The following LITAF variants were observed in gnomAD, a reference collection of about 807,000 sequenced individuals.
The protein encoded by LITAF is lipopolysaccharide induced TNF factor.
LITAF carries 9 observed loss-of-function variants against 14.5 expected under a neutral mutation model. That is an observed-to-expected ratio of 0.62 (90% CI 0.37 to 1.08). The LOEUF (loss-of-function observed/expected upper bound fraction) is 1.08. Ranked by LOEUF, LITAF falls within the 50% of genes least tolerant of loss-of-function variation. The probability of loss-of-function intolerance (pLI) is 0.01; values close to 1 mark genes in which losing one functional copy is unlikely to be tolerated. For missense variants in LITAF, 206 were observed against 213.4 expected, an observed-to-expected ratio of 0.97 and a Z score of 0.22; for synonymous variants, 98 against 88.2, an observed-to-expected ratio of 1.11 and a Z score of -0.62.
At chr16:11,569,138 C>T (rs1227095740) in intron 1 of LITAF, among the ~76,000 whole-genome samples, 10 of 152,162 alleles carry the variant, frequency 6.6e-5, no homozygotes, top group African/African-American at 1.2e-4. Flanking sequence ...GAACAGGACG[C>T]GGGGGCTTCC....
At chr16:11,637,910 ATATCTATATC>A (rs1328560928), upstream of LITAF, among the ~76,000 whole-genome samples, 2 of 61,008 alleles carry the variant, frequency 3.3e-5, 1 homozygote, top group Non-Finnish European at 5.5e-5. Context: ...ATATATATAT[ATATCTATATC>A]TATATCTATA....
chr16:11,597,133 C>A (rs1049655896), intron 1 of LITAF, among the ~76,000 whole-genome samples: 1 of 152,078 alleles, frequency 6.6e-6, no homozygotes, highest in Non-Finnish European at 1.5e-5. Flanking sequence ...ATTTCAGGAG[C>A]TAGAACTGGG....
chr16:11,603,815 C>T (rs899994530), intron 3 of LITAF, among the ~76,000 whole-genome samples: 7 of 152,074 alleles, frequency 4.6e-5, no homozygotes, highest in African/African-American at 1.4e-4. Context: ...GAGGCTGAGG[C>T]GGGCGGATCA....
intron 3 of LITAF, among the ~76,000 whole-genome samples, chr16:11,609,767 G>C (rs1010935388): frequency 5.3e-5 from 8 of 151,978 alleles, no homozygotes; most frequent in African/African-American, 1.9e-4. Flanking sequence ...CCTCCTTCCT[G>C]CCCACTTCTC....
At chr16:11,623,919 A>G (rs2065067371) in intron 3 of LITAF, among the ~76,000 whole-genome samples, 1 of 152,118 alleles carries the variant, frequency 6.6e-6, no homozygotes, top group Non-Finnish European at 1.5e-5. Context: ...ATGAGCCAAG[A>G]TCGTGCCATT....
At chr16:11,563,575 G>A (rs940724780) in intron 1 of LITAF, among the ~76,000 whole-genome samples, 2 of 152,090 alleles carry the variant, frequency 1.3e-5, no homozygotes, top group Admixed American at 1.3e-4. Flanking sequence ...CGTTTACTGT[G>A]CACTTTTATG....
chr16:11,618,465 T>C (rs2065030547), intron 3 of LITAF, among the ~76,000 whole-genome samples: 2 of 152,168 alleles, frequency 1.3e-5, no homozygotes, highest in Non-Finnish European at 2.9e-5. Context: ...GCACTAACTG[T>C]GGGCAGCTTC....
At chr16:11,581,133 A>T (rs1246229799) in intron 1 of LITAF, among the ~76,000 whole-genome samples, 2 of 152,190 alleles carry the variant, frequency 1.3e-5, no homozygotes, top group Non-Finnish European at 2.9e-5. Flanking sequence ...TTTGAGTTTC[A>T]CTTTCTGTGG....
At chr16:11,609,920 C>G (rs1329855321) in intron 3 of LITAF, among the ~76,000 whole-genome samples, 1 of 152,216 alleles carries the variant, frequency 6.6e-6, no homozygotes, top group Non-Finnish European at 1.5e-5. Context: ...TGAAATCACA[C>G]CCCACCTTCT....
At chr16:11,554,438 G>A (rs976356688) in intron 2 of LITAF, among the ~76,000 whole-genome samples, 1 of 152,022 alleles carries the variant, frequency 6.6e-6, no homozygotes, top group Non-Finnish European at 1.5e-5. Flanking sequence ...ATAAAATAAT[G>A]CTAGGAAGAA....
At chr16:11,567,947 G>C (rs2064479874) in intron 1 of LITAF, among the ~76,000 whole-genome samples, 1 of 152,194 alleles carries the variant, frequency 6.6e-6, no homozygotes, top group African/African-American at 2.4e-5. Flanking sequence ...TCATGCCACT[G>C]TGCTCCAGCC....
intron 3 of LITAF, among the ~76,000 whole-genome samples, chr16:11,625,265 C>CT (rs112259926): frequency 0.35 from 48,401 of 139,184 alleles, 11,337 homozygotes; most frequent in African/African-American, 0.67. Context: ...TCCCAAAAAC[C>CT]TTTTTTTTTT....
intron 1 of LITAF, among the ~76,000 whole-genome samples, chr16:11,574,731 G>A (rs945122613): frequency 2.0e-5 from 3 of 152,008 alleles, no homozygotes; most frequent in Admixed American, 6.6e-5. Flanking sequence ...GTAAGAAGAC[G>A]TTCCCTTTAC....
At chr16:11,560,543 A>G (rs944847769) in intron 1 of LITAF, among the ~76,000 whole-genome samples, 5 of 151,598 alleles carry the variant, frequency 3.3e-5, no homozygotes, top group Admixed American at 1.3e-4. Context: ...AGATCACACC[A>G]CTGCACTCCA....
chr16:11,592,802 G>T (rs1401986083), intron 1 of LITAF, among the ~76,000 whole-genome samples: 1 of 152,068 alleles, frequency 6.6e-6, no homozygotes, highest in Non-Finnish European at 1.5e-5. Context: ...TTGGGAGGCC[G>T]AGGTTGGCAG....
chr16:11,623,322 A>G (rs1284438698), intron 3 of LITAF, among the ~76,000 whole-genome samples: 5 of 151,968 alleles, frequency 3.3e-5, no homozygotes, highest in Admixed American at 6.6e-5. Context: ...AGTCTGTGGT[A>G]AGGACTTCAG....
chr16:11,624,987 T>C (rs2065074956), intron 3 of LITAF, among the ~76,000 whole-genome samples: 1 of 152,100 alleles, frequency 6.6e-6, no homozygotes, highest in Non-Finnish European at 1.5e-5. Flanking sequence ...AGAGGTCACG[T>C]GAAGGAGACC....
At chr16:11,569,673 G>T (rs1295751147) in intron 1 of LITAF, among the ~76,000 whole-genome samples, 1 of 152,152 alleles carries the variant, frequency 6.6e-6, no homozygotes, top group Non-Finnish European at 1.5e-5. Flanking sequence ...TCAGAGTGAA[G>T]AGAAGACACA....
intron 1 of LITAF, among the ~76,000 whole-genome samples, chr16:11,569,344 G>A (rs1398456325): frequency 1.3e-5 from 2 of 152,104 alleles, no homozygotes; most frequent in Non-Finnish European, 2.9e-5. Context: ...GGGCCCAAGT[G>A]ATCCTCCCAC....
Sources: allele counts gnomAD v4.1 joint callset (sites outside exome capture counted in the v4.1 genomes callset), GRCh38; gene constraint gnomAD v4.1.1; transcripts MANE v1.5; gene names NCBI Gene and HGNC (gene_info 2026-07-23, HGNC 2026-07-21).